Variants in DSCAM observed in about 807,000 individuals in gnomAD.
DSCAM encodes cell adhesion molecule DSCAM.
In DSCAM, 47 loss-of-function variants were observed where a neutral mutation model predicts 217.7. The ratio of observed to expected loss-of-function variants is 0.22; its 90% CI spans 0.17 to 0.28. The LOEUF is 0.28. Ranked by LOEUF, DSCAM falls within the 10% of genes least tolerant of loss-of-function variation. DSCAM has a pLI of 1.00. For missense variants in DSCAM, 2,080 were observed against 2,618.3 expected (o/e 0.79, Z 4.49); for synonymous variants, 1,056 against 1,015.3 (o/e 1.04, Z -0.76).
chr21:40,226,096 G>A (rs1197936769), intron 11 of DSCAM, among the ~76,000 whole-genome samples: 1 of 152,186 alleles, frequency 6.6e-6, no homozygotes, highest in Non-Finnish European at 1.5e-5. Context: ...TATGATCCCT[G>A]TTGTACAATT....
intron 4 of DSCAM, among the ~76,000 whole-genome samples, chr21:40,359,191 C>T (rs1601584144): frequency 1.3e-5 from 2 of 152,268 alleles, no homozygotes; most frequent in Middle Eastern, 3.4e-3. Flanking sequence ...TATATACTTA[C>T]ATATGCACAC....
At chr21:40,626,411 C>T (rs922049161) in intron 3 of DSCAM, among the ~76,000 whole-genome samples, 1 of 152,216 alleles carries the variant, frequency 6.6e-6, no homozygotes, top group Non-Finnish European at 1.5e-5. Flanking sequence ...CTACAACGTA[C>T]TCCCCATCTC....
At chr21:40,197,280 A>G (rs946805315) in intron 11 of DSCAM, among the ~76,000 whole-genome samples, 16 of 151,988 alleles carry the variant, frequency 1.1e-4, no homozygotes, top group African/African-American at 3.1e-4. Context: ...AACCACGCCC[A>G]GCTAATTTTT....
intron 3 of DSCAM, among the ~76,000 whole-genome samples, chr21:40,543,427 T>C (rs532194033): frequency 2.0e-5 from 3 of 152,298 alleles, no homozygotes; most frequent in East Asian, 3.9e-4. Flanking sequence ...AGCATTGGCC[T>C]CATGACCCAG....
At chr21:40,182,590 GGGCCAGCAGAGAAACCGTGGACAGAAC>G (rs1452572383) in intron 14 of DSCAM, among the ~76,000 whole-genome samples, 51 of 149,156 alleles carry the variant, frequency 3.4e-4, no homozygotes, top group African/African-American at 1.3e-3. Flanking sequence ...TGGACAGGAG[GGGCCAGCAGAGAAACCGTGGACAGAAC>G]GGGCCACCAG....
chr21:40,805,909 CA>C (rs966941411), intron 1 of DSCAM, among the ~76,000 whole-genome samples: 15 of 152,134 alleles, frequency 9.9e-5, no homozygotes, highest in African/African-American at 3.6e-4. Context: ...AGGGTTTCAC[CA>C]TGTTAGCCAG....
At chr21:40,149,119 A>G (rs1183179784) in intron 16 of DSCAM, among the ~76,000 whole-genome samples, 1 of 151,450 alleles carries the variant, frequency 6.6e-6, no homozygotes, top group Non-Finnish European at 1.5e-5. Context: ...CCATCACTCC[A>G]TTACTATTCC....
intron 3 of DSCAM, among the ~76,000 whole-genome samples, chr21:40,653,730 GTA>G (rs1343637725): frequency 3.3e-5 from 5 of 152,186 alleles, no homozygotes; most frequent in African/African-American, 1.2e-4. Flanking sequence ...GCATCATGCA[GTA>G]TATGTTACAA....
intron 3 of DSCAM, among the ~76,000 whole-genome samples, chr21:40,515,721 G>A (rs1410410573): frequency 1.3e-5 from 2 of 152,080 alleles, no homozygotes; most frequent in African/African-American, 4.8e-5. Flanking sequence ...GGGTGCACAA[G>A]CCCTCCCAGG....
intron 11 of DSCAM, among the ~76,000 whole-genome samples, chr21:40,222,329 T>C (rs2091295478): frequency 6.6e-6 from 1 of 152,222 alleles, no homozygotes; most frequent in Non-Finnish European, 1.5e-5. Context: ...ATGCATGGTG[T>C]TATAAAATCA....
At chr21:40,806,497 T>C (rs2091788910) in intron 1 of DSCAM, among the ~76,000 whole-genome samples, 1 of 152,176 alleles carries the variant, frequency 6.6e-6, no homozygotes, top group Admixed American at 6.5e-5. Flanking sequence ...TGACCTTGGG[T>C]AAAAAGTCAC....
At chr21:40,389,206 C>T (rs919602563) in intron 3 of DSCAM, among the ~76,000 whole-genome samples, 5 of 152,124 alleles carry the variant, frequency 3.3e-5, no homozygotes, top group African/African-American at 1.2e-4. Flanking sequence ...GAGAAAACTT[C>T]ACTTGTCATT....
intron 2 of DSCAM, among the ~76,000 whole-genome samples, chr21:40,702,976 G>T (rs2090673695): frequency 6.6e-6 from 1 of 152,076 alleles, no homozygotes; most frequent in Non-Finnish European, 1.5e-5. Flanking sequence ...AACTACCTAA[G>T]ACATTGTTAC....
intron 8 of DSCAM, among the ~76,000 whole-genome samples, chr21:40,319,534 T>A (rs2074237040): frequency 6.6e-6 from 1 of 152,234 alleles, no homozygotes; most frequent in East Asian, 1.9e-4. Context: ...TCGTGGATAG[T>A]GCTGCCATGA....
At chr21:40,037,270 T>G (rs201687573) in intron 32 of DSCAM, among the ~76,000 whole-genome samples, 2 of 148,890 alleles carry the variant, frequency 1.3e-5, no homozygotes, top group African/African-American at 5.1e-5. Context: ...GAAAACCCCA[T>G]TGTCTCAGCC....
At chr21:40,466,365 T>C (rs940937201) in intron 3 of DSCAM, among the ~76,000 whole-genome samples, 2 of 152,078 alleles carry the variant, frequency 1.3e-5, no homozygotes, top group East Asian at 3.9e-4. Flanking sequence ...TGATGGTTGA[T>C]TGTTGATCCA....
At chr21:40,489,197 A>G (rs1288981284) in intron 3 of DSCAM, among the ~76,000 whole-genome samples, 1 of 152,134 alleles carries the variant, frequency 6.6e-6, no homozygotes, top group Non-Finnish European at 1.5e-5. Flanking sequence ...TAGTCAGTGG[A>G]CTCTGAGCAA....
At chr21:40,461,212 A>C (rs915030074) in intron 3 of DSCAM, among the ~76,000 whole-genome samples, 1 of 152,242 alleles carries the variant, frequency 6.6e-6, no homozygotes, top group Non-Finnish European at 1.5e-5. Flanking sequence ...ATGCTTATAC[A>C]TGCATAGAGT....
chr21:40,078,512 T>G (rs2089401185), intron 26 of DSCAM, among the ~76,000 whole-genome samples, 175 bp downstream of exon 26: 1 of 152,188 alleles, frequency 6.6e-6, no homozygotes, highest in Non-Finnish European at 1.5e-5. Flanking sequence ...GATGGTCATC[T>G]GGATATAACG....
Sources: allele counts gnomAD v4.1 joint callset (sites outside exome capture counted in the v4.1 genomes callset), GRCh38; gene constraint gnomAD v4.1.1; transcripts MANE v1.5; gene names NCBI Gene and HGNC (gene_info 2026-07-23, HGNC 2026-07-21).